Variants in FAT3 observed in about 807,000 individuals in gnomAD.
The protein encoded by FAT3 is FAT atypical cadherin 3, also known as protocadherin Fat 3.
A neutral mutation model predicts 310.2 loss-of-function variants in FAT3; 95 were observed. The observed-to-expected ratio is 0.31, with a 90% CI of 0.26 to 0.36. The LOEUF (loss-of-function observed/expected upper bound fraction) is 0.36, where lower values mean the gene tolerates loss of function less well. Among genes scored for constraint, FAT3 ranks in the 10% least tolerant of loss-of-function variants. FAT3 has a pLI of 1.00. For missense variants in FAT3, 5,408 were observed against 5,715.6 expected (o/e 0.95, Z 1.74); for synonymous variants, 2,314 against 2,192.9 (o/e 1.06, Z -1.54).
chr11:92,400,627 C>T (rs1278621962), intron 2 of FAT3: 2 of 151,750 alleles, frequency 1.3e-5, no homozygotes, highest in Non-Finnish European at 2.9e-5. Context: ...GAAGGAGGTA[C>T]TTTCTATAAA....
chr11:92,291,244 G>T (rs965367864), intron 1 of FAT3, among the ~76,000 whole-genome samples: 1 of 152,030 alleles, frequency 6.6e-6, no homozygotes, highest in Non-Finnish European at 1.5e-5. Context: ...GCTGACCTGA[G>T]GTATCTCAAG....
intron 2 of FAT3, among the ~76,000 whole-genome samples, chr11:92,482,640 C>T (rs1313986511): frequency 3.9e-5 from 6 of 152,120 alleles, no homozygotes; most frequent in Non-Finnish European, 5.9e-5. Context: ...TTCTCAGCTC[C>T]GCATCCCTCT....
At chr11:92,757,084 C>G (rs188785798) in intron 4 of FAT3, among the ~76,000 whole-genome samples, 1 of 151,874 alleles carries the variant, frequency 6.6e-6, no homozygotes. Context: ...GCCACCATGC[C>G]CAGCTAATTT....
chr11:92,762,279 C>A, intron 5 of FAT3, 109 bp downstream of exon 5: 1 of 1,155,188 alleles, frequency 8.7e-7, no homozygotes. Flanking sequence ...AGTGAAGCCA[C>A]ACAGCTGTGG....
chr11:92,262,330 T>C (rs16917263), intron 1 of FAT3, among the ~76,000 whole-genome samples: 2,553 of 152,240 alleles, frequency 0.017, 48 homozygotes, highest in African/African-American at 0.054. Flanking sequence ...TTTCCAGAAG[T>C]TGCTTCAATG....
intron 7 of FAT3, among the ~76,000 whole-genome samples, chr11:92,786,388 A>G (rs1419686840): frequency 4.6e-5 from 7 of 152,132 alleles, no homozygotes; most frequent in Non-Finnish European, 7.4e-5. Flanking sequence ...TATATCACCA[A>G]ACTTCCAAAA....
intron 1 of FAT3, among the ~76,000 whole-genome samples, chr11:92,310,841 G>T (rs1031142791): frequency 1.3e-5 from 2 of 151,914 alleles, no homozygotes; most frequent in Non-Finnish European, 2.9e-5. Context: ...TTAGGTAATA[G>T]CTATTGGAAA....
chr11:92,894,118 A>G lies in FAT3; in HGVS notation c.*3005A>G, dbSNP rs1027136101. 2 of 152,232 alleles carry G rather than the reference A, an allele frequency of 1.3e-5. No homozygotes were observed. Among genetic ancestry groups the G allele is most frequent in the Non-Finnish European group, 2.9e-5 (2 of 68,040 alleles). The allele number at this position is 152,232 out of a possible 1,614,324, so 9.4% of individuals were successfully genotyped here. A position where few individuals can be genotyped will look rare whatever the true frequency, so the allele number is the denominator to read the frequency against. On this transcript the variant is annotated 3_prime_UTR_variant, in exon 28 of 28. Coordinates refer to ENST00000525166, the MANE Select transcript of FAT3 (RefSeq NM_001367949.2). ...CACCATTCCTTCTTTGGAATATGCT[A>G]TAAAAGAAAATTCATGGAGAATATT...
intron 18 of FAT3, among the ~76,000 whole-genome samples, chr11:92,841,806 A>G (rs1268227992): frequency 6.6e-6 from 1 of 152,164 alleles, no homozygotes; most frequent in Non-Finnish European, 1.5e-5. Context: ...CTTCAGTCAC[A>G]TTCCCATTGC....
chr11:92,510,199 A>G (rs1953245294), intron 2 of FAT3, among the ~76,000 whole-genome samples: 1 of 152,270 alleles, frequency 6.6e-6, no homozygotes, highest in East Asian at 1.9e-4. Context: ...CAGTGACCAC[A>G]CTTCATGTTA....
At chr11:92,481,396 G>C (rs1952222785) in intron 2 of FAT3, among the ~76,000 whole-genome samples, 1 of 151,944 alleles carries the variant, frequency 6.6e-6, no homozygotes. Flanking sequence ...AACTATTCAG[G>C]ATAAGCTATA....
chr11:92,705,846 A>G (rs1451834976), intron 4 of FAT3, among the ~76,000 whole-genome samples: 13 of 24,654 alleles, frequency 5.3e-4, no homozygotes, highest in Admixed American at 2.0e-3. Context: ...TGGTGGTGTG[A>G]TGGTGGTAGT....
chr11:92,494,097 C>T (rs1388068630), intron 2 of FAT3, among the ~76,000 whole-genome samples: 2 of 150,096 alleles, frequency 1.3e-5, no homozygotes, highest in African/African-American at 4.9e-5. Flanking sequence ...TAAAGAAATA[C>T]CTGAGAATGG....
intron 21 of FAT3, among the ~76,000 whole-genome samples, chr11:92,860,004 C>T (rs1296382412): frequency 6.6e-6 from 1 of 152,084 alleles, no homozygotes; most frequent in Admixed American, 6.5e-5. Context: ...AGTTCGAGTT[C>T]CAGCCTGGCC....
intron 13 of FAT3, among the ~76,000 whole-genome samples, chr11:92,819,285 C>T (rs1947900346): frequency 6.6e-6 from 1 of 152,122 alleles, no homozygotes; most frequent in Admixed American, 6.6e-5. Flanking sequence ...CACCTGGGAG[C>T]TTGTGGAAAA....
intron 7 of FAT3, among the ~76,000 whole-genome samples, chr11:92,776,412 T>A (rs188724728): frequency 2.8e-4 from 42 of 152,360 alleles, no homozygotes; most frequent in African/African-American, 1.0e-3. Flanking sequence ...AGAAATCATT[T>A]AACAGCGTTT....
At chr11:92,866,661 G>T in intron 21 of FAT3, 80 bp from the exon 22 acceptor site, 1 of 1,308,278 alleles carries the variant, frequency 7.6e-7, no homozygotes, top group Non-Finnish European at 1.0e-6. Flanking sequence ...TGAAGCCCCC[G>T]GGCCGGCCAG....
intron 1 of FAT3, among the ~76,000 whole-genome samples, chr11:92,259,160 T>A (rs1865437550): frequency 1.3e-5 from 2 of 152,082 alleles, no homozygotes; most frequent in South Asian, 4.1e-4. Flanking sequence ...AAAATACACC[T>A]TTAATTCTTA....
At chr11:92,773,907 G>A in intron 6 of FAT3, 134 bp from the exon 7 acceptor site, 1 of 778,456 alleles carries the variant, frequency 1.3e-6, no homozygotes, top group Non-Finnish European at 2.0e-6. Flanking sequence ...TCCCATTTAA[G>A]ATGTACAAAA....
Sources: gnomAD v4.1 joint callset for allele counts (sites outside exome capture counted in the v4.1 genomes callset) on GRCh38, gnomAD v4.1.1 for gene constraint, MANE v1.5 for transcripts, NCBI Gene and HGNC (gene_info 2026-07-23, HGNC 2026-07-21) for gene names.